GRID2: variants seen among roughly 807,000 people sequenced by gnomAD.
GRID2 encodes glutamate receptor ionotropic, delta-2.
GRID2 carries 33 observed loss-of-function variants against 114.8 expected under a neutral mutation model. The observed-to-expected ratio is 0.29, with a 90% CI of 0.22 to 0.38. GRID2 has a LOEUF of 0.38. Among genes scored for constraint, GRID2 ranks in the 10% least tolerant of loss-of-function variants. The pLI, the probability that GRID2 is intolerant of heterozygous loss-of-function variation, is 1.00. For synonymous variants in GRID2, 505 were observed against 449.9 expected (o/e 1.12, Z -1.55); for missense variants, 1,184 against 1,257.7 (o/e 0.94, Z 0.89).
At chr4:93,173,337 A>G (rs997640642) in intron 4 of GRID2, among the ~76,000 whole-genome samples, 4 of 152,180 alleles carry the variant, frequency 2.6e-5, no homozygotes, top group African/African-American at 9.7e-5. Context: ...TATTAGTGCT[A>G]TAATAGACTA....
chr4:93,357,889 G>A (rs1761502047), intron 8 of GRID2, among the ~76,000 whole-genome samples: 1 of 151,400 alleles, frequency 6.6e-6, no homozygotes, highest in Non-Finnish European at 1.5e-5. Flanking sequence ...TTGTTTTATT[G>A]ACCTATTTTG....
intron 8 of GRID2, among the ~76,000 whole-genome samples, chr4:93,285,424 AT>A (rs1389362053): frequency 2.0e-5 from 3 of 152,086 alleles, no homozygotes; most frequent in Non-Finnish European, 4.4e-5. Flanking sequence ...AAGGAAAAAA[AT>A]AAAACATGTG....
chr4:93,328,180 G>T (rs761669838), intron 8 of GRID2, among the ~76,000 whole-genome samples: 1 of 151,896 alleles, frequency 6.6e-6, no homozygotes, highest in Admixed American at 6.6e-5. Flanking sequence ...CACTTTTAAA[G>T]ATGTAAATGA....
intron 2 of GRID2, among the ~76,000 whole-genome samples, chr4:92,666,299 C>CAT (rs546180467): frequency 2.8e-4 from 42 of 151,448 alleles, no homozygotes; most frequent in Non-Finnish European, 5.3e-4. Flanking sequence ...TTTGTTCATA[C>CAT]ATATATATTT....
At chr4:92,537,499 ATTGGCACTTTT>A (rs1456918133) in intron 1 of GRID2, among the ~76,000 whole-genome samples, 1 of 152,172 alleles carries the variant, frequency 6.6e-6, no homozygotes, top group Admixed American at 6.5e-5. Flanking sequence ...AGTTGTTTTA[ATTGGCACTTTT>A]TTGTAATGAC....
intron 2 of GRID2, among the ~76,000 whole-genome samples, chr4:93,063,916 A>G (rs1233723021): frequency 6.6e-6 from 1 of 151,442 alleles, no homozygotes; most frequent in African/African-American, 2.4e-5. Flanking sequence ...GTTTCTAAAT[A>G]TATTTTGTTT....
At chr4:93,148,941 C>T (rs754117906) in intron 4 of GRID2, among the ~76,000 whole-genome samples, 7 of 152,130 alleles carry the variant, frequency 4.6e-5, no homozygotes, top group Admixed American at 1.3e-4. Flanking sequence ...AATCTCATGA[C>T]AAAGGAAAGT....
At chr4:92,899,595 TTG>T (rs1189714633) in intron 2 of GRID2, among the ~76,000 whole-genome samples, 2 of 151,746 alleles carry the variant, frequency 1.3e-5, no homozygotes, top group Non-Finnish European at 3.0e-5. Context: ...GTTTGTTATT[TTG>T]TTTTATTCAT....
chr4:93,797,843 A>G (rs778384173), intron 1 of GRID2, among the ~76,000 whole-genome samples: 3 of 23,566 alleles, frequency 1.3e-4, no homozygotes, highest in Non-Finnish European at 2.5e-4. Context: ...CCCCAGGATG[A>G]AAAAAAAAAA....
chr4:92,823,946 T>G (rs907409409), intron 2 of GRID2, among the ~76,000 whole-genome samples: 1 of 152,138 alleles, frequency 6.6e-6, no homozygotes, highest in Non-Finnish European at 1.5e-5. Flanking sequence ...AAATTTAGAA[T>G]AGGGACTGGT....
chr4:93,588,648 TC>T (rs1256946792), intron 13 of GRID2, among the ~76,000 whole-genome samples: 12 of 152,134 alleles, frequency 7.9e-5, no homozygotes. Context: ...ATGAGAAACT[TC>T]CTTTAAAGGC....
intron 13 of GRID2, among the ~76,000 whole-genome samples, chr4:93,617,112 G>C (rs1055831346): frequency 5.9e-5 from 9 of 152,086 alleles, no homozygotes; most frequent in Non-Finnish European, 1.2e-4. Context: ...AAACTTTACT[G>C]CAGAAAACAT....
chr4:92,472,240 A>G (rs912196447), intron 1 of GRID2, among the ~76,000 whole-genome samples: 3 of 151,888 alleles, frequency 2.0e-5, no homozygotes, highest in Admixed American at 1.3e-4. Context: ...GCCGTTATCC[A>G]TATTTCTATG....
At chr4:93,238,288 G>A in intron 7 of GRID2, 83 bp from the exon 8 acceptor site, 1 of 930,446 alleles carries the variant, frequency 1.1e-6, no homozygotes. Flanking sequence ...GATAGAAGTA[G>A]AGTTCCTAGA....
At chr4:92,600,268 C>T (rs1477142576) in intron 2 of GRID2, among the ~76,000 whole-genome samples, 2 of 151,244 alleles carry the variant, frequency 1.3e-5, no homozygotes, top group African/African-American at 4.9e-5. Context: ...GTCTCATGTA[C>T]TCATTCATGT....
chr4:93,805,419 T>C (rs1735010612), intron 1 of GRID2, among the ~76,000 whole-genome samples: 1 of 152,234 alleles, frequency 6.6e-6, no homozygotes, highest in Non-Finnish European at 1.5e-5. Flanking sequence ...ATGGGAATTC[T>C]GGTGTCTTCC....
intron 2 of GRID2, among the ~76,000 whole-genome samples, chr4:92,782,116 T>C (rs932138337): frequency 2.0e-5 from 3 of 152,034 alleles, no homozygotes; most frequent in African/African-American, 7.2e-5. Flanking sequence ...AATTTACAAA[T>C]GTATATACGA....
chr4:92,673,806 C>T (rs1191147274), intron 2 of GRID2, among the ~76,000 whole-genome samples: 1 of 151,792 alleles, frequency 6.6e-6, no homozygotes, highest in Non-Finnish European at 1.5e-5. Context: ...GGGAACATCA[C>T]ACACCAGGGC....
At chr4:92,666,816 C>T (rs1353617083) in intron 2 of GRID2, among the ~76,000 whole-genome samples, 1 of 150,906 alleles carries the variant, frequency 6.6e-6, no homozygotes, top group African/African-American at 2.4e-5. Context: ...TAAAAAAAAC[C>T]TCACTTGAGC....
Sources: gnomAD v4.1 joint callset for allele counts (sites outside exome capture counted in the v4.1 genomes callset) on GRCh38, gnomAD v4.1.1 for gene constraint, MANE v1.5 for transcripts, NCBI Gene and HGNC (gene_info 2026-07-23, HGNC 2026-07-21) for gene names.